Variants in COPS3 observed in about 807,000 individuals in gnomAD.
The protein encoded by COPS3 is COP9 signalosome subunit 3.
Under a neutral mutation model 58.2 loss-of-function variants are expected in COPS3, and 10 were observed. The ratio of observed to expected loss-of-function variants is 0.17; its 90% confidence interval spans 0.11 to 0.29. COPS3 has a LOEUF of 0.29. COPS3 is among the 10% of genes least tolerant of loss of function. The pLI is 1.00. For missense variants in COPS3, 333 were observed against 510.1 expected (o/e 0.65, Z 3.34); for synonymous variants, 187 against 181.7 (o/e 1.03, Z -0.24).
intron 4 of COPS3, among the ~76,000 whole-genome samples, chr17:17,270,412 CT>C (rs2048319762): frequency 6.6e-6 from 1 of 151,868 alleles, no homozygotes; most frequent in African/African-American, 2.4e-5. Flanking sequence ...ATTTTTGAAG[CT>C]TTTTGTAAGG....
intron 5 of COPS3, 97 bp downstream of exon 5, chr17:17,267,788 C>T (rs1259729103): frequency 6.5e-6 from 8 of 1,239,560 alleles, no homozygotes; most frequent in South Asian, 4.4e-5. Context: ...ATCACAATAT[C>T]GCCAACTTGC....
At chr17:17,279,401 A>G (rs1272795471) in intron 1 of COPS3, among the ~76,000 whole-genome samples, 2 of 152,198 alleles carry the variant, frequency 1.3e-5, no homozygotes, top group African/African-American at 4.8e-5. Flanking sequence ...TTCTAACTAC[A>G]CTACACCCCA....
At chr17:17,263,063 C>T (rs992819113) in intron 6 of COPS3, among the ~76,000 whole-genome samples, 23 of 151,628 alleles carry the variant, frequency 1.5e-4, no homozygotes, top group African/African-American at 5.3e-4. Context: ...CCGAGGCGGG[C>T]GGATCACGAG....
chr17:17,270,737 T>C, intron 4 of COPS3, 21 bp downstream of exon 4: 2 of 1,567,002 alleles, frequency 1.3e-6, no homozygotes, highest in Non-Finnish European at 8.7e-7. Context: ...AAACTAGGAA[T>C]ACTTGAATAG....
intron 1 of COPS3, among the ~76,000 whole-genome samples, 158 bp downstream of exon 1, chr17:17,280,974 T>C (rs922632365): frequency 6.6e-6 from 1 of 152,042 alleles, no homozygotes; most frequent in Non-Finnish European, 1.5e-5. Context: ...TCGGCCGCGC[T>C]CGATCCTGCC....
At chr17:17,278,177 T>G (rs781606292) in intron 1 of COPS3, among the ~76,000 whole-genome samples, 1 of 152,004 alleles carries the variant, frequency 6.6e-6, no homozygotes, top group Non-Finnish European at 1.5e-5. Flanking sequence ...TAGGCCTGAA[T>G]TGGTACCTTT....
rs1279072845 is a variant in COPS3, at chr17:17,281,126, C to T, written c.55+6G>A. The T allele has an allele frequency of 1.9e-6, 3 of 1,608,626 alleles. No homozygotes were observed. The highest frequency in any genetic ancestry group is 2.5e-6 in the Non-Finnish European group (3 of 1,177,850). ...CCATGCCCAGCCCGGCGGCCTAGGG[C>T]GTTACCTTGAGCTGAGAGCTGTCGG... On this transcript the variant is annotated splice_donor_region_variant and intron_variant, in intron 1 of 11. Coordinates refer to ENST00000268717, the MANE Select transcript of COPS3 (RefSeq NM_003653.4).
chr17:17,268,099 G>A, intron 4 of COPS3, 122 bp from the exon 5 acceptor site: 1 of 1,300,988 alleles, frequency 7.7e-7, no homozygotes, highest in Non-Finnish European at 9.9e-7. Flanking sequence ...AGCAATATGA[G>A]GTTTCCATAC....
At chr17:17,250,930 A>T (rs768854788) in intron 9 of COPS3, among the ~76,000 whole-genome samples, 1 of 152,208 alleles carries the variant, frequency 6.6e-6, no homozygotes, top group African/African-American at 2.4e-5. Context: ...ACCTACCTTC[A>T]CCACAGCAGC....
At chr17:17,249,128 G>A in intron 9 of COPS3, 89 bp from the exon 10 acceptor site, 1 of 702,018 alleles carries the variant, frequency 1.4e-6, no homozygotes. Flanking sequence ...AGAAAAGCAT[G>A]GAAGGCAACA....
At chr17:17,266,171 C>G (rs2048216919) in intron 5 of COPS3, among the ~76,000 whole-genome samples, 1 of 152,140 alleles carries the variant, frequency 6.6e-6, no homozygotes, top group African/African-American at 2.4e-5. Flanking sequence ...ATGTAAATAT[C>G]CCATGCAGAC....
intron 6 of COPS3, among the ~76,000 whole-genome samples, chr17:17,262,889 C>T (rs976340467): frequency 6.6e-6 from 1 of 151,800 alleles, no homozygotes; most frequent in African/African-American, 2.4e-5. Flanking sequence ...AGCCACCACG[C>T]CTGGCCACTT....
At chr17:17,272,958 C>T (rs2048383499) in intron 2 of COPS3, among the ~76,000 whole-genome samples, 1 of 152,176 alleles carries the variant, frequency 6.6e-6, no homozygotes. Context: ...TCCCTTCAAA[C>T]AAATTTAAGC....
chr17:17,280,416 C>T (rs963137729), intron 1 of COPS3, among the ~76,000 whole-genome samples: 3 of 148,022 alleles, frequency 2.0e-5, no homozygotes, highest in African/African-American at 7.5e-5. Context: ...AAAAAAAAGC[C>T]GTGTGAGCTG....
intron 2 of COPS3, among the ~76,000 whole-genome samples, chr17:17,271,848 A>ATC (rs148275410): frequency 4.4e-4 from 62 of 142,492 alleles, no homozygotes; most frequent in Middle Eastern, 3.6e-3. Context: ...ATCTATATAT[A>ATC]TATATATATA....
chr17:17,257,665 C>T (rs1351543142), intron 8 of COPS3, among the ~76,000 whole-genome samples: 7 of 148,876 alleles, frequency 4.7e-5, no homozygotes, highest in Non-Finnish European at 1.0e-4. Context: ...GGTGTGGTGG[C>T]GGGCACCTGT....
intron 1 of COPS3, among the ~76,000 whole-genome samples, chr17:17,278,200 C>A (rs548664228): frequency 1.3e-5 from 2 of 152,240 alleles, no homozygotes; most frequent in South Asian, 4.1e-4. Flanking sequence ...GTAGACCCAT[C>A]AATTTTGACA....
rs2047898300 is a variant in COPS3, at chr17:17,253,618, GA to G, written c.1023+1240del. Among the ~76,000 whole-genome samples the G allele has an allele frequency of 2.0e-5, 3 of 152,260 alleles. No homozygotes were observed. In the South Asian group the frequency reaches 6.2e-4, roughly 32 times the overall value. ...TTATGGACCAAAACCCTCAGTGACG[GA>G]AGAGGCTAAGTCAGAATGTCAGTCA... On this transcript the variant is annotated intron_variant, in intron 9 of 11. Coordinates refer to ENST00000268717, the MANE Select transcript of COPS3 (RefSeq NM_003653.4).
chr17:17,264,050 T>C (rs1225751918), intron 6 of COPS3, among the ~76,000 whole-genome samples: 1 of 152,172 alleles, frequency 6.6e-6, no homozygotes, highest in Non-Finnish European at 1.5e-5. Context: ...CCTCCTCAGG[T>C]CCCCTCAACA....
Sources: gnomAD v4.1 joint callset for allele counts (sites outside exome capture counted in the v4.1 genomes callset) on GRCh38, gnomAD v4.1.1 for gene constraint, MANE v1.5 for transcripts, NCBI Gene and HGNC (gene_info 2026-07-23, HGNC 2026-07-21) for gene names.